APOL2: variants seen among roughly 807,000 people sequenced by gnomAD.
The protein encoded by APOL2 is apolipoprotein L2, also known as apolipoprotein L, 2.
A neutral mutation model predicts 7.1 loss-of-function variants in APOL2; 8 were observed. The observed-to-expected ratio is 1.12, with a 90% CI of 0.66 to 2.03. The LOEUF is 2.03. Among genes scored for constraint, APOL2 ranks in the 30% most tolerant of loss-of-function variants. The pLI is 0.00. For synonymous variants in APOL2, 177 were observed against 159.9 expected (o/e 1.11, Z -0.81); for missense variants, 471 against 415.1 (o/e 1.13, Z -1.17).
upstream of APOL2, chr22:36,239,836 CGCT>C: frequency 3.0e-6 from 1 of 330,660 alleles, no homozygotes. Context: ...CCATCTGAGC[CGCT>C]TGCCCCCCAA....
intron 1 of APOL2, chr22:36,236,788 C>G: frequency 9.1e-7 from 1 of 1,099,206 alleles, no homozygotes; most frequent in Non-Finnish European, 1.1e-6. Context: ...AGATATCTGT[C>G]TTCTGGGGCC....
At chr22:36,233,041 C>T (rs1210879761) in intron 3 of APOL2, 112 bp downstream of exon 3, 2 of 1,112,018 alleles carry the variant, frequency 1.8e-6, no homozygotes, top group Non-Finnish European at 1.4e-6. Context: ...GGGGCAGACT[C>T]ATTGGCCTCC....
chr22:36,229,020 C>T lies in APOL2; in HGVS notation c.138-740G>A, dbSNP rs1377423792. Among the ~76,000 whole-genome samples, 3 of 152,332 alleles carry T rather than the reference C, an allele frequency of 2.0e-5. No individual in the cohort carries two copies. The South Asian group carries it at 6.2e-4, about 32-fold the overall frequency. ...ACTCCAGCTGGGCTCTTCAGAGCTT[C>T]TTCTCCACTAGGCGCCGACCTTGGC... On this transcript the variant is annotated intron_variant, in intron 4 of 4. Transcript: ENST00000358502.
At chr22:36,231,174 C>T (rs1230715783) in intron 4 of APOL2, among the ~76,000 whole-genome samples, 166 bp downstream of exon 4, 3 of 152,334 alleles carry the variant, frequency 2.0e-5, no homozygotes, top group East Asian at 3.9e-4. Flanking sequence ...TCACTGCCAG[C>T]GAAGGACATG....
At chr22:36,238,889 G>A (rs1361794554) in intron 1 of APOL2, among the ~76,000 whole-genome samples, 1 of 152,168 alleles carries the variant, frequency 6.6e-6, no homozygotes, top group Non-Finnish European at 1.5e-5. Context: ...CCCCTCCCAG[G>A]GCCTCAGTTT....
Position 36,228,228 on chromosome 22 carries a change from C to T in APOL2, c.190G>A (p.Val64Ile), listed in dbSNP as rs2146968958. The change falls in exon 5 of 5, where the codon GTC (valine) becomes ATC (isoleucine). Residue 64 changes from valine (V) to isoleucine (I), a missense_variant. By Grantham distance (29) the Val-to-Ile change is conservative (BLOSUM62 3). Transcript: ENST00000358502. ...TCGTGGCGGTTTTTGTCCTTCATGACCATGTGACTTGCAAGCTTGTTCAGA... is the reference window on the plus strand; with the variant it reads ...TCGTGGCGGTTTTTGTCCTTCATGATCATGTGACTTGCAAGCTTGTTCAGA... ...KALNKLASHM[V>I]MKDKNRHDKD... The T allele has an allele frequency of 6.2e-7, 1 of 1,614,182 alleles. No homozygotes were observed. The highest frequency in any genetic ancestry group is 8.5e-7 in the Non-Finnish European group (1 of 1,180,018).
chr22:36,237,932 C>T (rs1198558098), intron 1 of APOL2, among the ~76,000 whole-genome samples: 5 of 152,186 alleles, frequency 3.3e-5, no homozygotes, highest in South Asian at 4.1e-4. Context: ...GCTGCTCCCT[C>T]GCCCTGGAAT....
At chr22:36,230,963 G>A (rs1444704828) in intron 4 of APOL2, among the ~76,000 whole-genome samples, 1 of 152,212 alleles carries the variant, frequency 6.6e-6, no homozygotes, top group Non-Finnish European at 1.5e-5. Context: ...CTTGTAAGAT[G>A]TTAACGTTAA....
rs749979854 is a variant in APOL2 at position 36,228,260 on chromosome 22, C to T, written c.158G>A (p.Arg53His). The T allele has an allele frequency of 5.1e-5, 83 of 1,613,726 alleles. No homozygotes were observed. The highest frequency in any genetic ancestry group is 3.3e-4 in the Middle Eastern group (2 of 6,076). Residue 53 changes from arginine (R) to histidine (H), a missense_variant, in exon 5 of 5, where the codon CGT (arginine) becomes CAT (histidine). Transcript: ENST00000358502. Reference protein sequence around the residue: ...ELPRDEADELRKALNKLASHM... With the variant: ...ELPRDEADELHKALNKLASHM... ...ACTTGCAAGCTTGTTCAGAGCTTTA[C>T]GGAGCTCATCTGCCTCATCCCTGCA...
intron 1 of APOL2, among the ~76,000 whole-genome samples, chr22:36,235,755 GGGTGTGT>G (rs1569532881): frequency 1.0e-5 from 1 of 99,036 alleles, no homozygotes; most frequent in Non-Finnish European, 2.1e-5. Flanking sequence ...GTGGGTGGGT[GGGTGTGT>G]GTGTGTGTGT....
chr22:36,227,941 A>G lies in APOL2; in HGVS notation c.477T>C (p.Ala159=). The G allele has an allele frequency of 6.2e-7, 1 of 1,614,252 alleles. No individual in the cohort carries two copies. The highest frequency in any genetic ancestry group is 8.5e-7 in the Non-Finnish European group (1 of 1,180,046). The change falls in exon 5 of 5, where the codon GCT becomes GCC. Residue 159 remains alanine, a synonymous_variant. Coordinates refer to ENST00000358502, the MANE Select transcript of APOL2 (RefSeq NM_030882.4). Reference sequence around the variant, plus strand: ...CACTGCAGGTAATCCCAGCCACAGCAGCTGCTGCTCCCAGACCCATGCCAG... The same window carrying G: ...CACTGCAGGTAATCCCAGCCACAGCGGCTGCTGCTCCCAGACCCATGCCAG... ...LDTGMGLGAA[A]AVAGITCSVV... is the part of the protein sequence containing the mutation.
At chr22:36,237,189 G>T in intron 1 of APOL2, 1 of 1,482,748 alleles carries the variant, frequency 6.7e-7, no homozygotes. Context: ...GGCTTGACTA[G>T]GACACAGTGT....
Position 36,226,626 on chromosome 22 carries a change from C to T in APOL2, c.*778G>A, listed in dbSNP as rs111252071. 8.0e-3 allele frequency: 1,223 copies of T among 152,100 alleles called. 16 individuals are homozygous for T. The highest frequency in any genetic ancestry group is 0.028 in the African/African-American group (1,161 of 41,210). The allele number at this position is 152,100 out of a possible 1,614,324, so 9.4% of individuals were successfully genotyped here. A position where few individuals can be genotyped will look rare whatever the true frequency, so the allele number is the denominator to read the frequency against. ...GAAAGACAGAGCGAGAGACCATCAC[C>T]AGGGAAAGACTTTATTCTTGGAAGG... On this transcript the variant is annotated 3_prime_UTR_variant, in exon 5 of 5. Transcript: ENST00000358502.
At position 36,228,384 on chromosome 22, in the gene APOL2, A is replaced by G. The variant is rs1024699526; in HGVS notation, c.138-104T>C. Reference sequence around the variant, plus strand: ...TGTAAATTGCAGAGCTTTCACTATCAATCAAATAGAAACAAATTTTACAAA... The same window carrying G: ...TGTAAATTGCAGAGCTTTCACTATCGATCAAATAGAAACAAATTTTACAAA... On this transcript the variant is annotated intron_variant, in intron 4 of 4. Coordinates refer to ENST00000358502, the MANE Select transcript of APOL2 (RefSeq NM_030882.4). 198 of 1,426,582 alleles carry G rather than the reference A, an allele frequency of 1.4e-4. 1 individual carries two copies. Among genetic ancestry groups the G allele is most frequent in the Middle Eastern group, 5.2e-4 (2 of 3,858 alleles). The allele number at this position is 1,426,582 out of a possible 1,614,324, so 88.4% of individuals were successfully genotyped here.
At chr22:36,232,493 G>A (rs570508731) in intron 3 of APOL2, among the ~76,000 whole-genome samples, 49 of 152,230 alleles carry the variant, frequency 3.2e-4, no homozygotes, top group Non-Finnish European at 6.5e-4. Context: ...CTACTGTGTG[G>A]CAGGCTTTGG....
intron 1 of APOL2, chr22:36,237,072 T>A (rs1450651464): frequency 6.5e-7 from 1 of 1,527,050 alleles, no homozygotes; most frequent in Non-Finnish European, 8.8e-7. Context: ...TGCCCAATAC[T>A]TGTGAGGAGC....
chr22:36,233,139 G>C lies in APOL2; in HGVS notation c.10+14C>G, dbSNP rs2015284194. On this transcript the variant is annotated intron_variant, in intron 3 of 4. Transcript: ENST00000358502. Reference sequence around the variant, plus strand: ...GCGAGTAGGAACTAGCCAGGAAAGAGGAAGCGAGCCTACCTGGGTTCATGG... The same window carrying C: ...GCGAGTAGGAACTAGCCAGGAAAGACGAAGCGAGCCTACCTGGGTTCATGG... The C allele has an allele frequency of 1.9e-6, 3 of 1,613,678 alleles. No homozygotes were observed. The East Asian group carries it at 6.7e-5, about 36-fold the overall frequency.
intron 1 of APOL2, chr22:36,236,913 T>A (rs1482440175): frequency 7.7e-7 from 1 of 1,297,096 alleles, no homozygotes; most frequent in Non-Finnish European, 9.8e-7. Flanking sequence ...CGGGAGGGGG[T>A]CTTCCCTTCC....
intron 1 of APOL2, among the ~76,000 whole-genome samples, chr22:36,235,746 TGG>T (rs751780481): frequency 0.1 from 11,721 of 115,872 alleles, 551 homozygotes; most frequent in African/African-American, 0.13. Flanking sequence ...GAAGAAAGGG[TGG>T]GTGGGTGGGT....
Sources: allele counts gnomAD v4.1 joint callset (sites outside exome capture counted in the v4.1 genomes callset), GRCh38; gene constraint gnomAD v4.1.1; transcripts MANE v1.5; gene names NCBI Gene and HGNC (gene_info 2026-07-23, HGNC 2026-07-21).